Variants in RGL3 observed in about 807,000 individuals in gnomAD.
RGL3 encodes the protein ral guanine nucleotide dissociation stimulator-like 3.
Under a neutral mutation model 90.6 loss-of-function variants are expected in RGL3, and 85 were observed. That is an observed-to-expected ratio of 0.94 (90% CI 0.79 to 1.12). RGL3 has a LOEUF of 1.12. RGL3 is among the 50% of genes most tolerant of loss of function. The pLI, the probability that RGL3 is intolerant of heterozygous loss-of-function variation, is 0.00. For missense variants in RGL3, 1,034 were observed against 939.2 expected, an observed-to-expected ratio of 1.10 and a Z score of -1.32; for synonymous variants, 408 against 385.5, an observed-to-expected ratio of 1.06 and a Z score of -0.68.
intron 11 of RGL3, 50 bp downstream of exon 11, chr19:11,402,405 G>T (rs751930452): frequency 6.3e-7 from 1 of 1,575,026 alleles, no homozygotes; most frequent in South Asian, 1.1e-5. Flanking sequence ...GGCCCATTGT[G>T]CTGGGGGCAA....
At chr19:11,400,775 A>C (rs1968661492) in intron 13 of RGL3, among the ~76,000 whole-genome samples, 1 of 151,776 alleles carries the variant, frequency 6.6e-6, no homozygotes, top group African/African-American at 2.4e-5. Flanking sequence ...GAATTGCTTG[A>C]ACCTGGGAGG....
chr19:11,397,740 G>T, intron 16 of RGL3, 143 bp from the exon 17 acceptor site: 1 of 869,930 alleles, frequency 1.1e-6, no homozygotes, highest in Non-Finnish European at 1.7e-6. Flanking sequence ...TGGGCGCAGT[G>T]GCTCATGCCT....
rs1968654710 is a variant in RGL3 at position 11,400,423 on chromosome 19, C to T, written c.1485-126G>A. On this transcript the variant is annotated intron_variant, in intron 13 of 18. Coordinates refer to ENST00000380456, the MANE Select transcript of RGL3 (RefSeq NM_001035223.4). ...GGGAGCAGCCAGAGGTGGCACCCCA[C>T]ATGCCAGGGTCAGGGTGGTAAATGA... The T allele has an allele frequency of 4.5e-6, 3 of 665,600 alleles. No homozygotes were observed. In the South Asian group the frequency reaches 7.0e-5, roughly 15 times the overall value. The allele number at this position is 665,600 out of a possible 1,614,324, so 41.2% of individuals were successfully genotyped here. A position where few individuals can be genotyped will look rare whatever the true frequency, so the allele number is the denominator to read the frequency against.
At chr19:11,395,929 CTT>C (rs1405224348) in intron 18 of RGL3, among the ~76,000 whole-genome samples, 10 of 133,514 alleles carry the variant, frequency 7.5e-5, no homozygotes, top group South Asian at 2.4e-4. Context: ...GCCCGGCCCC[CTT>C]TTTTTTTTTT....
At position 11,416,098 on chromosome 19, in the gene RGL3, A is replaced by G; in HGVS notation, c.476T>C (p.Phe159Ser). ...GSWLQDHPQD[F>S]RDHPAHSDLG... ...GTCCGAATGGGCAGGGTGGTCTCGG[A>G]AATCCTGAGGGTGGTCCTGCAGCCA... Residue 159 changes from phenylalanine to serine, a missense_variant, in exon 5 of 19, where the codon TTC (phenylalanine) becomes TCC (serine). Transcript: ENST00000380456. The G allele has an allele frequency of 6.2e-7, 1 of 1,604,670 alleles. No homozygotes were observed. The highest frequency in any genetic ancestry group is 1.1e-5 in the South Asian group (1 of 90,038).
rs934482779 is a variant in RGL3, at chr19:11,406,441, T to G, written c.974A>C (p.Glu325Ala). Residue 325 changes from glutamate (E) to alanine (A), a missense_variant, in exon 7 of 19, where the codon GAG (glutamate) becomes GCG (alanine). Physicochemically the swap from Glu to Ala is moderately radical, Grantham distance 107. Transcript: ENST00000380456. ...LAAPQRAQRL[E>A]KWIRIAQRCR... Reference sequence around the variant, plus strand: ...CACCTGGGCGATGCGGATCCACTTCTCCAGCCGCTGCGCCCTCTGCGGGGC... The same window carrying G: ...CACCTGGGCGATGCGGATCCACTTCGCCAGCCGCTGCGCCCTCTGCGGGGC... The G allele has an allele frequency of 6.5e-7, 1 of 1,541,728 alleles. No individual in the cohort carries two copies. Among genetic ancestry groups the G allele is most frequent in the South Asian group, 1.2e-5 (1 of 84,164 alleles).
At position 11,397,479 on chromosome 19, in the gene RGL3, T is replaced by C; in HGVS notation, c.1865A>G (p.Asp622Gly). 1 of 1,613,216 alleles carries C rather than the reference T, an allele frequency of 6.2e-7. No individual in the cohort carries two copies. The change falls in exon 17 of 19, where the codon GAC (aspartate) becomes GGC (glycine). Residue 622 changes from aspartate to glycine, a missense_variant. Asp to Gly is a moderately conservative substitution (Grantham distance 94). Transcript: ENST00000380456. ...TCGATACAGGTTCCCGTGGTCATTG[T>C]CGATGCTGACGCGGATGACACGGGC... Reference protein sequence around the residue: ...SEARVIRVSIDNDHGNLYRSI... With the variant: ...SEARVIRVSIGNDHGNLYRSI...
rs56098998 is a variant in RGL3, at chr19:11,414,134, CATATATATATATATATATATATATAT to C, written c.637+1777_637+1802del. 4.6e-4 allele frequency among the ~76,000 whole-genome samples: 14 copies of C among 30,422 alleles called. 1 individual carries two copies. Among genetic ancestry groups the C allele is most frequent in the South Asian group, 2.0e-3 (2 of 986 alleles). 20.0% of individuals were successfully genotyped at this position (30,422 alleles called of 152,430 possible). A position where few individuals can be genotyped will look rare whatever the true frequency, so the allele number is the denominator to read the frequency against. ...ATGACTTGGAATCAGCTGGAGAAATCATATATATATATATATATATATATATATATATATATATATATACACCTATA... is the reference window on the plus strand; with the variant it reads ...ATGACTTGGAATCAGCTGGAGAAATCATATATATATATATATACACCTATA... On this transcript the variant is annotated intron_variant, in intron 5 of 18. Coordinates refer to ENST00000380456, the MANE Select transcript of RGL3 (RefSeq NM_001035223.4).
Position 11,416,548 on chromosome 19 carries a change from C to G in RGL3, c.425+66G>C, listed in dbSNP as rs371743907. 3 of 1,500,724 alleles carry G rather than the reference C, an allele frequency of 2.0e-6. No homozygotes were observed. The African/African-American group carries it at 4.1e-5, about 21-fold the overall frequency. The allele number at this position is 1,500,724 out of a possible 1,614,324, so 93.0% of individuals were successfully genotyped here. ...ACCTGCAATTTTCAAAACCCCAGTC[C>G]GACTGCTAACCTTTGACCTCTTGGA... On this transcript the variant is annotated intron_variant, in intron 4 of 18. Coordinates refer to ENST00000380456, the MANE Select transcript of RGL3 (RefSeq NM_001035223.4).
Position 11,399,916 on chromosome 19 carries a change from C to T in RGL3, c.1685G>A (p.Ser562Asn), listed in dbSNP as rs200388133. Reference sequence around the variant, plus strand: ...GGGACTGCCAGCAGGAGCATCTCTGCTTCTAGGACTTGAGGGGGGTGACCC... The same window carrying T: ...GGGACTGCCAGCAGGAGCATCTCTGTTTCTAGGACTTGAGGGGGGTGACCC... Reference protein sequence around the residue: ...SPGSPPSSPRSRDAPAGSPPA... With the variant: ...SPGSPPSSPRNRDAPAGSPPA... Residue 562 changes from serine (S) to asparagine (N), a missense_variant, in exon 16 of 19, where the codon AGC (serine) becomes AAC (asparagine). Ser to Asn is a conservative substitution (Grantham distance 46). Coordinates refer to ENST00000380456, the MANE Select transcript of RGL3 (RefSeq NM_001035223.4). 71 of 1,535,650 alleles carry T rather than the reference C, an allele frequency of 4.6e-5. No individual in the cohort carries two copies. Among genetic ancestry groups the T allele is most frequent in the Admixed American group, 1.2e-4 (5 of 42,410 alleles).
Position 11,416,121 on chromosome 19 carries a change from C to T in RGL3, c.453G>A (p.Trp151Ter). ...GGAAATCCTGAGGGTGGTCCTGCAG[C>T]CAGGAGCCCAGCACTGACACCACAG... is the stretch of plus-strand genomic sequence containing the variant. ...LRAVVSVLGSWLQDHPQDFRD... is the reference protein window; with the variant it reads ...LRAVVSVLGS The change falls in exon 5 of 19, where the codon TGG becomes TGA. Residue 151 changes from tryptophan to a stop codon, truncating the protein, a stop_gained. Transcript: ENST00000380456. LOFTEE classifies it high-confidence loss of function. 1 of 1,589,154 alleles carries T rather than the reference C, an allele frequency of 6.3e-7. No homozygotes were observed. Among genetic ancestry groups the T allele is most frequent in the Non-Finnish European group, 8.6e-7 (1 of 1,168,710 alleles).
chr19:11,394,560 C>T (rs763312989), intron 18 of RGL3, 40 bp from the exon 19 acceptor site: 2 of 1,474,092 alleles, frequency 1.4e-6, no homozygotes, highest in South Asian at 2.3e-5. Flanking sequence ...GCCCTCACAA[C>T]CTTGTGTCAC....
At position 11,394,384 on chromosome 19, in the gene RGL3, G is replaced by A; in HGVS notation, c.*18C>T. 1 of 1,584,494 alleles carries A rather than the reference G, an allele frequency of 6.3e-7. No individual in the cohort carries two copies. The highest frequency in any genetic ancestry group is 1.1e-5 in the South Asian group (1 of 90,506). ...CTTGCCTGTGGGACTTGTGTCTTGT[G>A]GAGAGGACAGGGCTGCCTCAGCTTG... On this transcript the variant is annotated 3_prime_UTR_variant, in exon 19 of 19. Transcript: ENST00000380456.
chr19:11,403,849 G>A (rs1443206524), intron 9 of RGL3, among the ~76,000 whole-genome samples: 8 of 151,908 alleles, frequency 5.3e-5, no homozygotes, highest in African/African-American at 1.9e-4. Flanking sequence ...GGGATCTCCT[G>A]GGTATCCTGA....
At chr19:11,416,215 C>A (rs1262884273) in intron 4 of RGL3, 67 bp from the exon 5 acceptor site, 79 of 855,050 alleles carry the variant, frequency 9.2e-5, no homozygotes, top group East Asian at 6.2e-4. Context: ...ACTCCTGGTA[C>A]CTTTTTTTTT....
intron 5 of RGL3, among the ~76,000 whole-genome samples, chr19:11,415,471 A>G (rs544867350): frequency 2.9e-4 from 44 of 152,120 alleles, no homozygotes; most frequent in South Asian, 6.2e-4. Flanking sequence ...AATACTTCAG[A>G]CAAAGAATTT....
chr19:11,399,816 G>T, intron 16 of RGL3, 39 bp downstream of exon 16: 1 of 1,134,754 alleles, frequency 8.8e-7, no homozygotes, highest in Non-Finnish European at 1.2e-6. Flanking sequence ...GAGCCTGGGT[G>T]CCCGCAGGCC....
chr19:11,406,739 G>C lies in RGL3; in HGVS notation c.763C>G (p.Leu255Val), dbSNP rs1241829118. 2 of 1,613,862 alleles carry C rather than the reference G, an allele frequency of 1.2e-6. No homozygotes were observed. Among genetic ancestry groups the C allele is most frequent in the Non-Finnish European group, 1.7e-6 (2 of 1,180,018 alleles). ...DFSVDEVAEQ[L>V]TLIDLELFSK... ...ATCCTCACCAAGTCTATGAGGGTCA[G>C]CTGCTCGGCCACCTCGTCCACGCTG... Residue 255 changes from leucine (L) to valine (V), a missense_variant, in exon 6 of 19, where the codon CTG becomes GTG. Leu to Val is a conservative substitution (Grantham distance 32, BLOSUM62 1). Coordinates refer to ENST00000380456, the MANE Select transcript of RGL3 (RefSeq NM_001035223.4).
At chr19:11,418,910 G>T in intron 1 of RGL3, 126 bp from the exon 2 acceptor site, 1 of 768,268 alleles carries the variant, frequency 1.3e-6, no homozygotes, top group Non-Finnish European at 2.0e-6. Flanking sequence ...GCCAGAAGCT[G>T]CGAGACTAGG....
Sources: allele counts gnomAD v4.1 joint callset (sites outside exome capture counted in the v4.1 genomes callset), GRCh38; gene constraint gnomAD v4.1.1; transcripts MANE v1.5; gene names NCBI Gene and HGNC (gene_info 2026-07-23, HGNC 2026-07-21).